PPM1G: variants seen among roughly 807,000 people sequenced by gnomAD.
The protein encoded by PPM1G is protein phosphatase, Mg2+/Mn2+ dependent 1G, also known as protein phosphatase 1G.
PPM1G carries 12 observed loss-of-function variants against 59.4 expected under a neutral mutation model. The ratio of observed to expected loss-of-function variants is 0.20; its 90% CI spans 0.13 to 0.33. PPM1G has a LOEUF of 0.33. Ranked by LOEUF, PPM1G falls within the 10% of genes least tolerant of loss-of-function variation. The pLI is 1.00. For missense variants in PPM1G, 392 were observed against 681.3 expected (o/e 0.58, Z 4.73); for synonymous variants, 245 against 251.9 (o/e 0.97, Z 0.26).
chr2:27,385,003 G>T lies in PPM1G; in HGVS notation c.495C>A (p.His165Gln). 1 of 1,614,170 alleles carries T rather than the reference G, an allele frequency of 6.2e-7. No homozygotes were observed. Among genetic ancestry groups the T allele is most frequent in the Non-Finnish European group, 8.5e-7 (1 of 1,180,044 alleles). ...ELLTRYGQNC[H>Q]KGPPHSKSGG... ...CAGATTTGCTGTGGGGAGGGCCCTT[G>T]TGACAGTTCTGCCCGTAGCGTGTCA... The change falls in exon 5 of 10, where the codon CAC (histidine) becomes CAA (glutamine). Residue 165 changes from histidine (H) to glutamine (Q), a missense_variant. Physicochemically the swap from His to Gln is conservative, Grantham distance 24 (BLOSUM62 0). This residue lies in a region of PPM1G where 188 missense variants were observed against 248.8 expected (regional missense o/e 0.76). Transcript: ENST00000344034. This position sits in a 1 kb window ranked among gnomAD's most constrained non-coding sequence, Gnocchi z 4.1.
rs1410484345 is a variant in PPM1G at position 27,384,301 on chromosome 2, A to C, written c.826-209T>G. ...CTGGGCTTAGCAGTCACTAGCAAAA[A>C]GCCCAGGACAAGGCAAGGGCTGCCA... On this transcript the variant is annotated intron_variant, in intron 5 of 9. Coordinates refer to ENST00000344034, the MANE Select transcript of PPM1G (RefSeq NM_177983.3). The surrounding 1 kb of genome is among the most constrained non-coding windows in gnomAD (Gnocchi z 4.8). 6.6e-6 allele frequency among the ~76,000 whole-genome samples: 1 copy of C among 152,252 alleles called. No individual in the cohort carries two copies. The highest frequency in any genetic ancestry group is 6.5e-5 in the Admixed American group (1 of 15,284).
chr2:27,392,894 C>T, intron 1 of PPM1G: 1 of 1,425,762 alleles, frequency 7.0e-7, no homozygotes, highest in Non-Finnish European at 9.8e-7. Flanking sequence ...TCACCCAATT[C>T]TTTGATGGCC....
At chr2:27,389,584 A>T (rs1354709442) in intron 1 of PPM1G, among the ~76,000 whole-genome samples, 1 of 152,154 alleles carries the variant, frequency 6.6e-6, no homozygotes, top group Non-Finnish European at 1.5e-5. Context: ...GGTCTCTTAG[A>T]AATCTAGAAA....
At chr2:27,397,448 G>C (rs1238213083) in intron 1 of PPM1G, among the ~76,000 whole-genome samples, 1 of 151,986 alleles carries the variant, frequency 6.6e-6, no homozygotes, top group Non-Finnish European at 1.5e-5. Context: ...CAAAATAGTA[G>C]CAAACTAAAT....
chr2:27,394,725 G>A (rs1684002781), intron 1 of PPM1G, among the ~76,000 whole-genome samples: 1 of 131,120 alleles, frequency 7.6e-6, no homozygotes, highest in Non-Finnish European at 1.5e-5. Flanking sequence ...CCTGGTGACA[G>A]AGTGAGACTC....
chr2:27,392,423 T>C (rs975648099), intron 1 of PPM1G, among the ~76,000 whole-genome samples: 1 of 151,064 alleles, frequency 6.6e-6, no homozygotes, highest in African/African-American at 2.4e-5. Flanking sequence ...GCCTCCCAAG[T>C]AGCCGGGATT....
chr2:27,389,768 A>G (rs1683852932), intron 1 of PPM1G, among the ~76,000 whole-genome samples: 1 of 152,140 alleles, frequency 6.6e-6, no homozygotes, highest in African/African-American at 2.4e-5. Flanking sequence ...GTTGGAGACC[A>G]GCCTAGGCAA....
chr2:27,383,858 GT>G lies in PPM1G; in HGVS notation c.966+93del. 1 of 1,506,628 alleles carries G rather than the reference GT, an allele frequency of 6.6e-7. No individual in the cohort carries two copies. The highest frequency in any genetic ancestry group is 9.0e-7 in the Non-Finnish European group (1 of 1,116,682). The allele number at this position is 1,506,628 out of a possible 1,614,324, so 93.3% of individuals were successfully genotyped here. A position where few individuals can be genotyped will look rare whatever the true frequency, so the allele number is the denominator to read the frequency against. The stretch of plus-strand genomic sequence containing the variant: ...CCATGACTATTACTTCCATCCTAAA[GT>G]ATCAGGGGGATCCCCTGTCTCAAAA... On this transcript the variant is annotated intron_variant, in intron 6 of 9. Transcript: ENST00000344034. This position sits in a 1 kb window ranked among gnomAD's most constrained non-coding sequence, Gnocchi z 5.0.
chr2:27,387,563 C>T (rs185862282), intron 1 of PPM1G, among the ~76,000 whole-genome samples: 36 of 151,990 alleles, frequency 2.4e-4, no homozygotes, highest in Middle Eastern at 6.8e-3. Flanking sequence ...TGCAGTGGCG[C>T]GATCTTGGCT....
Position 27,384,223 on chromosome 2 carries a change from A to G in PPM1G, c.826-131T>C. The stretch of plus-strand genomic sequence containing the variant: ...CACTGAAAGATACAAGTATATGGTC[A>G]TGAAAATTGGGGGGATGGAAAGGGC... On this transcript the variant is annotated intron_variant, in intron 5 of 9. Coordinates refer to ENST00000344034, the MANE Select transcript of PPM1G (RefSeq NM_177983.3). The surrounding 1 kb of genome is among the most constrained non-coding windows in gnomAD (Gnocchi z 4.8). The G allele has an allele frequency of 2.7e-6, 4 of 1,454,904 alleles. No individual in the cohort carries two copies. Among genetic ancestry groups the G allele is most frequent in the Non-Finnish European group, 9.2e-7 (1 of 1,082,752 alleles). The allele number at this position is 1,454,904 out of a possible 1,614,324, so 90.1% of individuals were successfully genotyped here.
chr2:27,386,490 G>A lies in PPM1G; in HGVS notation c.191-211C>T, dbSNP rs547758251. Reference sequence around the variant, plus strand: ...CAATTCTCTCGGGTATAAATATCTCGTCTTTTCTCACCTGTATACTTAGTT... The same window carrying A: ...CAATTCTCTCGGGTATAAATATCTCATCTTTTCTCACCTGTATACTTAGTT... On this transcript the variant is annotated intron_variant, in intron 2 of 9. Coordinates refer to ENST00000344034, the MANE Select transcript of PPM1G (RefSeq NM_177983.3). 1.6e-4 allele frequency: 65 copies of A among 414,800 alleles called. No individual in the cohort carries two copies. The South Asian group carries it at 1.9e-3, about 12-fold the overall frequency. 25.7% of individuals were successfully genotyped at this position (414,800 alleles called of 1,614,324 possible). A position where few individuals can be genotyped will look rare whatever the true frequency, so the allele number is the denominator to read the frequency against.
chr2:27,395,979 A>G (rs1684042439), intron 1 of PPM1G, among the ~76,000 whole-genome samples: 2 of 152,200 alleles, frequency 1.3e-5, no homozygotes, highest in Non-Finnish European at 2.9e-5. Flanking sequence ...GTTGTGAAAA[A>G]CAACATGGAG....
chr2:27,390,916 C>T (rs952401573), intron 1 of PPM1G, among the ~76,000 whole-genome samples: 11 of 151,848 alleles, frequency 7.2e-5, no homozygotes, highest in Admixed American at 2.0e-4. Flanking sequence ...ACTCTCACTG[C>T]GTGAGAACAC....
chr2:27,392,281 G>GTTTTTTTTTTT (rs1365959192), intron 1 of PPM1G, among the ~76,000 whole-genome samples: 2 of 78,786 alleles, frequency 2.5e-5, no homozygotes, highest in African/African-American at 5.7e-5. Flanking sequence ...TTGTTGGTTT[G>GTTTTTTTTTTT]TTTTGTTTTT....
In PPM1G at chr2:27,385,255, C is replaced by A; in HGVS notation, c.410-167G>T. ...GAACATGCCCTAGCTCCTCCTCCTC[C>A]ACAGACTTCTTTTGGTTTTTGTGTT... On this transcript the variant is annotated intron_variant, in intron 4 of 9. Coordinates refer to ENST00000344034, the MANE Select transcript of PPM1G (RefSeq NM_177983.3). This position sits in a 1 kb window ranked among gnomAD's most constrained non-coding sequence, Gnocchi z 4.1. 1 of 680,022 alleles carries A rather than the reference C, an allele frequency of 1.5e-6. No homozygotes were observed. Among genetic ancestry groups the A allele is most frequent in the Non-Finnish European group, 2.3e-6 (1 of 431,704 alleles). The allele number at this position is 680,022 out of a possible 1,614,324, so 42.1% of individuals were successfully genotyped here. A position where few individuals can be genotyped will look rare whatever the true frequency, so the allele number is the denominator to read the frequency against.
chr2:27,392,293 T>TG (rs1161093262), intron 1 of PPM1G, among the ~76,000 whole-genome samples: 25 of 92,730 alleles, frequency 2.7e-4, no homozygotes, highest in Non-Finnish European at 4.3e-4. Context: ...TTTGTTTTTT[T>TG]TTTTTTTTTT....
chr2:27,386,030 A>T, intron 3 of PPM1G, 151 bp from the exon 4 acceptor site: 2 of 1,265,832 alleles, frequency 1.6e-6, no homozygotes, highest in South Asian at 1.4e-5. Flanking sequence ...AGGAATAATA[A>T]GGCAAGTCTA....
Position 27,383,863 on chromosome 2 carries a change from A to G in PPM1G, c.966+89T>C, listed in dbSNP as rs1189094765. On this transcript the variant is annotated intron_variant, in intron 6 of 9. Coordinates refer to ENST00000344034, the MANE Select transcript of PPM1G (RefSeq NM_177983.3). This position sits in a 1 kb window ranked among gnomAD's most constrained non-coding sequence, Gnocchi z 5.0. Reference sequence around the variant, plus strand: ...ACTATTACTTCCATCCTAAAGTATCAGGGGGATCCCCTGTCTCAAAATCAA... The same window carrying G: ...ACTATTACTTCCATCCTAAAGTATCGGGGGGATCCCCTGTCTCAAAATCAA... The G allele has an allele frequency of 1.4e-5, 21 of 1,517,490 alleles. No homozygotes were observed. The highest frequency in any genetic ancestry group is 4.2e-5 in the African/African-American group (3 of 72,280). 94.0% of individuals were successfully genotyped at this position (1,517,490 alleles called of 1,614,324 possible).
In PPM1G at chr2:27,381,546, C is replaced by T; in HGVS notation, c.*53G>A. 1.9e-6 allele frequency: 3 copies of T among 1,602,198 alleles called. No individual in the cohort carries two copies. The highest frequency in any genetic ancestry group is 1.1e-5 in the South Asian group (1 of 90,768). On this transcript the variant is annotated 3_prime_UTR_variant, in exon 10 of 10. Transcript: ENST00000344034. The stretch of plus-strand genomic sequence containing the variant: ...AAAGGAAAAAGACAAAACTCAGTCT[C>T]AGGTCCGGAGGGCTCAGAAAACAGT...
Sources: gnomAD v4.1 joint callset for allele counts (sites outside exome capture counted in the v4.1 genomes callset) on GRCh38, gnomAD v4.1.1 for gene constraint, gnomAD v4.1.1 regional missense constraint, Gnocchi (gnomAD v3.1) non-coding constraint, MANE v1.5 for transcripts, NCBI Gene and HGNC (gene_info 2026-07-23, HGNC 2026-07-21) for gene names.